PREX2: variants seen among roughly 807,000 people sequenced by gnomAD.
PREX2 encodes phosphatidylinositol-3,4,5-trisphosphate dependent Rac exchange factor 2.
A neutral mutation model predicts 203.2 loss-of-function variants in PREX2; 107 were observed. That is an observed-to-expected ratio of 0.53 (90% confidence interval 0.45 to 0.62). The LOEUF is 0.62. Among genes scored for constraint, PREX2 ranks in the 20% least tolerant of loss-of-function variants. The probability of loss-of-function intolerance (pLI) is 0.00; values close to 1 mark genes in which losing one functional copy is unlikely to be tolerated. For missense variants in PREX2, 1,777 were observed against 1,955.9 expected, an observed-to-expected ratio of 0.91 and a Z score of 1.72; for synonymous variants, 672 against 663.6, an observed-to-expected ratio of 1.01 and a Z score of -0.19.
chr8:68,119,474 A>C lies in PREX2; in HGVS notation c.3464A>C (p.Gln1155Pro). The change falls in exon 28 of 40, where the codon CAG (glutamine) becomes CCG (proline). Residue 1155 changes from glutamine (Q) to proline (P), a missense_variant. Gln to Pro is a moderately conservative substitution (Grantham distance 76, BLOSUM62 -1). Transcript: ENST00000288368. ...PLSVRISHDK[Q>P]DKIHSCLEHL... The stretch of plus-strand genomic sequence containing the variant: ...AGTGTTCGCATATCTCATGATAAAC[A>C]GGACAAGATACATAGTTGCCTTGAG... 6.2e-7 allele frequency: 1 copy of C among 1,613,858 alleles called. No homozygotes were observed.
chr8:68,084,174 T>A (rs1809613290), intron 18 of PREX2, among the ~76,000 whole-genome samples: 1 of 152,122 alleles, frequency 6.6e-6, no homozygotes, highest in Non-Finnish European at 1.5e-5. Context: ...CCTTATCATA[T>A]TTACCTTGAA....
At chr8:68,178,283 C>T (rs375299835) in intron 35 of PREX2, among the ~76,000 whole-genome samples, 11 of 152,100 alleles carry the variant, frequency 7.2e-5, no homozygotes, top group African/African-American at 1.2e-4. Context: ...ACCTCGTCAG[C>T]GTCTGTTATT....
intron 5 of PREX2, among the ~76,000 whole-genome samples, chr8:68,028,500 C>G (rs1031893597): frequency 6.6e-6 from 1 of 151,854 alleles, no homozygotes; most frequent in African/African-American, 2.4e-5. Flanking sequence ...TTTAATACAA[C>G]TCTTGTCAAT....
At chr8:68,099,184 T>C (rs960566780) in intron 22 of PREX2, among the ~76,000 whole-genome samples, 1 of 152,060 alleles carries the variant, frequency 6.6e-6, no homozygotes, top group Non-Finnish European at 1.5e-5. Flanking sequence ...GAAATAACTT[T>C]TCATTTATTC....
intron 38 of PREX2, among the ~76,000 whole-genome samples, chr8:68,220,625 C>A (rs1285580886): frequency 1.3e-5 from 2 of 152,122 alleles, no homozygotes; most frequent in East Asian, 3.9e-4. Flanking sequence ...AAGCAAGTTT[C>A]TCCAGGGTAA....
intron 4 of PREX2, among the ~76,000 whole-genome samples, chr8:68,023,675 A>G (rs570627394): frequency 6.6e-6 from 1 of 152,210 alleles, no homozygotes; most frequent in South Asian, 2.1e-4. Flanking sequence ...TTGGTCATAT[A>G]TAAGAAATCT....
intron 1 of PREX2, among the ~76,000 whole-genome samples, chr8:67,953,656 T>G (rs1345659143): frequency 6.6e-6 from 1 of 152,148 alleles, no homozygotes; most frequent in African/African-American, 2.4e-5. Context: ...ACAGATAAAA[T>G]TCACTTCTTG....
At chr8:67,976,749 C>CGG (rs1806122021) in intron 1 of PREX2, among the ~76,000 whole-genome samples, 2 of 40,584 alleles carry the variant, frequency 4.9e-5, no homozygotes, top group African/African-American at 1.6e-4. Context: ...GAGAGAGATG[C>CGG]GAGAGAGACA....
intron 2 of PREX2, among the ~76,000 whole-genome samples, 155 bp downstream of exon 2, chr8:68,018,072 A>G (rs1807456534): frequency 2.0e-5 from 3 of 152,114 alleles, no homozygotes; most frequent in Admixed American, 1.3e-4. Context: ...TAAAAAGGAG[A>G]AATAGGGCTT....
chr8:68,195,431 G>T (rs1238446300), intron 37 of PREX2, among the ~76,000 whole-genome samples: 1 of 152,176 alleles, frequency 6.6e-6, no homozygotes, highest in Non-Finnish European at 1.5e-5. Context: ...TTTGAAAATT[G>T]TATAGTTTTA....
intron 6 of PREX2, among the ~76,000 whole-genome samples, chr8:68,035,955 T>C (rs767758076): frequency 1.3e-5 from 2 of 152,204 alleles, no homozygotes; most frequent in Non-Finnish European, 2.9e-5. Flanking sequence ...GTTGTGCTTG[T>C]CCTTGTTTAC....
At chr8:68,053,023 A>C in intron 8 of PREX2, 74 bp from the exon 9 acceptor site, 1 of 1,344,518 alleles carries the variant, frequency 7.4e-7, no homozygotes, top group East Asian at 2.4e-5. Context: ...ACTTTTGTGT[A>C]TTGAATGATA....
intron 10 of PREX2, among the ~76,000 whole-genome samples, chr8:68,060,436 T>G (rs1178262527): frequency 6.6e-6 from 1 of 152,240 alleles, no homozygotes; most frequent in East Asian, 1.9e-4. Context: ...ACAAGTTGAA[T>G]AGTTTAAAAC....
At chr8:68,033,811 C>T (rs977672509) in intron 6 of PREX2, among the ~76,000 whole-genome samples, 5 of 152,062 alleles carry the variant, frequency 3.3e-5, no homozygotes, top group Non-Finnish European at 7.4e-5. Context: ...CCATTGTATG[C>T]GTTATAATCA....
chr8:68,123,478 A>G (rs1287577006), intron 30 of PREX2, among the ~76,000 whole-genome samples: 1 of 152,034 alleles, frequency 6.6e-6, no homozygotes, highest in Non-Finnish European at 1.5e-5. Context: ...AATAAAGTAG[A>G]TAGACCACTA....
chr8:68,062,620 CCTTT>C (rs1190211078), intron 11 of PREX2, among the ~76,000 whole-genome samples: 2 of 152,150 alleles, frequency 1.3e-5, no homozygotes, highest in Non-Finnish European at 1.5e-5. Flanking sequence ...ATGCCAGGAG[CCTTT>C]CTAAGTGGTA....
chr8:68,033,740 G>A (rs75594889), intron 6 of PREX2, among the ~76,000 whole-genome samples: 4,871 of 152,222 alleles, frequency 0.032, 258 homozygotes, highest in African/African-American at 0.11. Context: ...ATTTGCTAAG[G>A]GAAGGGCAGA....
At chr8:68,008,570 C>T (rs1342536551) in intron 1 of PREX2, among the ~76,000 whole-genome samples, 2 of 148,542 alleles carry the variant, frequency 1.3e-5, no homozygotes, top group East Asian at 1.9e-4. Context: ...TAAGTGCCTA[C>T]GTTTCTGAGG....
intron 20 of PREX2, among the ~76,000 whole-genome samples, chr8:68,093,304 C>T (rs1259636964): frequency 1.4e-5 from 2 of 147,628 alleles, no homozygotes; most frequent in South Asian, 2.1e-4. Flanking sequence ...GCAGGAGAAT[C>T]GCTTGAATCA....
Sources: gnomAD v4.1 joint callset for allele counts (sites outside exome capture counted in the v4.1 genomes callset) on GRCh38, gnomAD v4.1.1 for gene constraint, MANE v1.5 for transcripts, NCBI Gene and HGNC (gene_info 2026-07-23, HGNC 2026-07-21) for gene names.